The following MS4A6E variants were observed in gnomAD, a reference collection of about 807,000 sequenced individuals.
MS4A6E encodes membrane-spanning 4-domains subfamily A member 6E.
MS4A6E carries 8 observed loss-of-function variants against 13.2 expected under a neutral mutation model. That is an observed-to-expected ratio of 0.60 (90% CI 0.35 to 1.09). The LOEUF (loss-of-function observed/expected upper bound fraction) is 1.09, where lower values mean the gene tolerates loss of function less well. Ranked by LOEUF, MS4A6E falls within the 50% of genes least tolerant of loss-of-function variation. The probability of loss-of-function intolerance (pLI) is 0.02; values close to 1 mark genes in which losing one functional copy is unlikely to be tolerated. For missense variants in MS4A6E, 177 were observed against 171.1 expected (o/e 1.03, Z -0.19); for synonymous variants, 72 against 67.6 (o/e 1.06, Z -0.32).
At chr11:60,329,606 C>A (rs1023142035) in intron 1 of MS4A6E, among the ~76,000 whole-genome samples, 1 of 152,140 alleles carries the variant, frequency 6.6e-6, no homozygotes, top group Non-Finnish European at 1.5e-5. Flanking sequence ...TACACTCCCA[C>A]CAACAGTGTA....
chr11:60,342,317 C>T (rs2085233129), downstream of MS4A6E, among the ~76,000 whole-genome samples: 1 of 152,070 alleles, frequency 6.6e-6, no homozygotes, highest in Non-Finnish European at 1.5e-5. Context: ...GAAGCATTGT[C>T]ATTTGTCTGG....
At chr11:60,328,606 A>G (rs1022942651) in intron 1 of MS4A6E, among the ~76,000 whole-genome samples, 3 of 152,124 alleles carry the variant, frequency 2.0e-5, no homozygotes, top group Non-Finnish European at 4.4e-5. Flanking sequence ...TTGCCACAAC[A>G]TGGAAGATAC....
intron 1 of MS4A6E, 64 bp from the exon 2 acceptor site, chr11:60,334,818 G>C (rs2085177767): frequency 6.4e-7 from 1 of 1,563,202 alleles, no homozygotes; most frequent in Non-Finnish European, 8.7e-7. Flanking sequence ...TGACTTACCA[G>C]TTTTGCAGCC....
intron 2 of MS4A6E, 45 bp downstream of exon 2, chr11:60,335,087 G>T (rs752287380): frequency 6.2e-7 from 1 of 1,606,650 alleles, no homozygotes; most frequent in Non-Finnish European, 8.5e-7. Flanking sequence ...AGGGGAAGTG[G>T]GAAGAGATGA....
intron 1 of MS4A6E, among the ~76,000 whole-genome samples, chr11:60,330,722 T>C (rs1225652024): frequency 1.3e-5 from 2 of 152,112 alleles, no homozygotes; most frequent in Non-Finnish European, 2.9e-5. Flanking sequence ...ATTGCCTAGG[T>C]TTTCTTCTAT....
At chr11:60,343,922 G>A (rs1252030286), downstream of MS4A6E, among the ~76,000 whole-genome samples, 1 of 152,126 alleles carries the variant, frequency 6.6e-6, no homozygotes, top group Non-Finnish European at 1.5e-5. Context: ...GAACAGTGTA[G>A]GGCCCTTCCC....
chr11:60,339,994 T>C (rs1450361382), intron 4 of MS4A6E, 30 bp downstream of exon 4: 1 of 1,609,916 alleles, frequency 6.2e-7, no homozygotes. Flanking sequence ...TCGCTTAATC[T>C]TGCCTAGTGT....
chr11:60,336,524 T>A (rs1025786803), intron 2 of MS4A6E, among the ~76,000 whole-genome samples: 1 of 152,216 alleles, frequency 6.6e-6, no homozygotes, highest in Non-Finnish European at 1.5e-5. Context: ...GAGGCTTTAG[T>A]GAGTTCTACT....
intron 1 of MS4A6E, 52 bp from the exon 2 acceptor site, chr11:60,334,830 G>C: frequency 1.3e-6 from 2 of 1,587,960 alleles, no homozygotes; most frequent in Non-Finnish European, 1.7e-6. Flanking sequence ...TTTGCAGCCA[G>C]AACTTGGGAG....
chr11:60,328,435 G>T (rs1004088560), intron 1 of MS4A6E, among the ~76,000 whole-genome samples: 1 of 152,138 alleles, frequency 6.6e-6, no homozygotes, highest in Non-Finnish European at 1.5e-5. Flanking sequence ...GGTGATCCCA[G>T]TGATATTTGG....
chr11:60,345,880 A>G (rs557172052), downstream of MS4A6E, among the ~76,000 whole-genome samples: 1 of 152,316 alleles, frequency 6.6e-6, no homozygotes, highest in East Asian at 1.9e-4. Flanking sequence ...GAAAAATATT[A>G]GATTAGAATT....
At chr11:60,335,602 C>A (rs1184100174) in intron 2 of MS4A6E, 1 of 455,074 alleles carries the variant, frequency 2.2e-6, no homozygotes, top group South Asian at 1.6e-5. Flanking sequence ...GGGAGGGAAA[C>A]ACAGAGTTTT....
At chr11:60,343,508 G>A (rs2085241904), downstream of MS4A6E, among the ~76,000 whole-genome samples, 2 of 152,248 alleles carry the variant, frequency 1.3e-5, no homozygotes, top group South Asian at 4.1e-4. Context: ...CCGGAAAGGT[G>A]GTGTAGTAGA....
At chr11:60,336,268 C>T (rs2085188112) in intron 2 of MS4A6E, among the ~76,000 whole-genome samples, 2 of 152,126 alleles carry the variant, frequency 1.3e-5, no homozygotes, top group Non-Finnish European at 2.9e-5. Context: ...ATGTGGCTAT[C>T]GATGATGTGA....
At chr11:60,335,831 C>G (rs1255823699) in intron 2 of MS4A6E, among the ~76,000 whole-genome samples, 1 of 152,184 alleles carries the variant, frequency 6.6e-6, no homozygotes, top group Non-Finnish European at 1.5e-5. Flanking sequence ...CCTCCTAAGA[C>G]AGAGCTTCAG....
At chr11:60,344,762 T>A (rs2085248293), downstream of MS4A6E, among the ~76,000 whole-genome samples, 1 of 152,206 alleles carries the variant, frequency 6.6e-6, no homozygotes, top group African/African-American at 2.4e-5. Context: ...GCTGCTGACT[T>A]AGCTGCCTGA....
chr11:60,335,082 A>T (rs1250860171), intron 2 of MS4A6E, 40 bp downstream of exon 2: 4 of 1,608,774 alleles, frequency 2.5e-6, no homozygotes, highest in Non-Finnish European at 3.4e-6. Flanking sequence ...GGGTTAGGGG[A>T]AGTGGGAAGA....
downstream of MS4A6E, among the ~76,000 whole-genome samples, chr11:60,343,378 C>A (rs142812260): frequency 1.2e-3 from 188 of 152,198 alleles, 1 homozygote; most frequent in African/African-American, 4.2e-3. Context: ...ATTAATTCTA[C>A]TATAAAGATT....
rs548432107 is a variant in MS4A6E at position 60,339,878 on chromosome 11, C to G, written c.367C>G (p.Leu123Val). 9 of 1,613,744 alleles carry G rather than the reference C, an allele frequency of 5.6e-6. No homozygotes were observed. The East Asian group carries it at 1.3e-4, about 24-fold the overall frequency. ...AKASLAGTLS[L>V]MLVSTVLEFC... Reference sequence around the variant, plus strand: ...TCTTGACTTTCAGGGAACTCTGTCTCTGATGCTGGTTTCTACTGTGTTGGA... The same window carrying G: ...TCTTGACTTTCAGGGAACTCTGTCTGTGATGCTGGTTTCTACTGTGTTGGA... The change falls in exon 4 of 5, where the codon CTG becomes GTG. Residue 123 changes from leucine (L) to valine (V), a missense_variant. Physicochemically the swap from Leu to Val is conservative, Grantham distance 32 (BLOSUM62 1). Transcript: ENST00000684409.
Sources: gnomAD v4.1 joint callset for allele counts (sites outside exome capture counted in the v4.1 genomes callset) on GRCh38, gnomAD v4.1.1 for gene constraint, MANE v1.5 for transcripts, NCBI Gene and HGNC (gene_info 2026-07-23, HGNC 2026-07-21) for gene names.